NANS: variants seen among roughly 807,000 people sequenced by gnomAD.
NANS encodes the protein N-acetylneuraminate synthase, also known as N-acetylneuraminate-9-phosphate synthase.
NANS carries 29 observed loss-of-function variants against 33.3 expected under a neutral mutation model. The observed-to-expected ratio is 0.87, with a 90% CI of 0.65 to 1.19. The LOEUF (loss-of-function observed/expected upper bound fraction) is 1.19. Among genes scored for constraint, NANS ranks in the 50% most tolerant of loss-of-function variants. The pLI, the probability that NANS is intolerant of heterozygous loss-of-function variation, is 0.00. For missense variants in NANS, 394 were observed against 461.1 expected, an observed-to-expected ratio of 0.85 and a Z score of 1.33; for synonymous variants, 163 against 177.2, an observed-to-expected ratio of 0.92 and a Z score of 0.64.
At chr9:98,057,629 A>T (rs1828864605) in intron 1 of NANS, among the ~76,000 whole-genome samples, 1 of 152,116 alleles carries the variant, frequency 6.6e-6, no homozygotes, top group Non-Finnish European at 1.5e-5. Flanking sequence ...TGAGCCCAGC[A>T]CTTGGCACAC....
chr9:98,079,955 A>C (rs998323646), intron 4 of NANS, among the ~76,000 whole-genome samples: 14 of 152,204 alleles, frequency 9.2e-5, no homozygotes, highest in African/African-American at 3.1e-4. Flanking sequence ...GGCTCATGCC[A>C]GTAGTCCCAG....
intron 1 of NANS, among the ~76,000 whole-genome samples, chr9:98,059,777 T>G (rs1250594385): frequency 6.6e-6 from 1 of 152,126 alleles, no homozygotes; most frequent in Non-Finnish European, 1.5e-5. Context: ...TATTATTGCC[T>G]CTGCTCAGTA....
At chr9:98,062,418 C>G (rs1193509679) in intron 2 of NANS, among the ~76,000 whole-genome samples, 1 of 152,014 alleles carries the variant, frequency 6.6e-6, no homozygotes, top group Non-Finnish European at 1.5e-5. Context: ...GCTCTGTGAC[C>G]TGCCTCCTTA....
At chr9:98,078,399 C>A (rs368451097) in intron 4 of NANS, 52 bp downstream of exon 4, 1 of 1,567,036 alleles carries the variant, frequency 6.4e-7, no homozygotes, top group African/African-American at 1.4e-5. Context: ...ATGGGGAAGG[C>A]GTAGTCTTTT....
intron 2 of NANS, among the ~76,000 whole-genome samples, chr9:98,066,735 C>T (rs1294608869): frequency 1.3e-5 from 2 of 151,824 alleles, no homozygotes; most frequent in East Asian, 3.9e-4. Flanking sequence ...ACTGCAACCT[C>T]CACCTCTCAG....
chr9:98,078,957 A>G (rs774026261), intron 4 of NANS, among the ~76,000 whole-genome samples: 1 of 151,908 alleles, frequency 6.6e-6, no homozygotes, highest in Non-Finnish European at 1.5e-5. Context: ...CTTTTTTCAT[A>G]CTGAGTTATA....
At chr9:98,077,986 C>CG (rs1479011936) in intron 3 of NANS, 17 of 616,868 alleles carry the variant, frequency 2.8e-5, no homozygotes, top group African/African-American at 5.5e-5. Flanking sequence ...AGAACACTGT[C>CG]GGGGGGCAGA....
At position 98,078,170 on chromosome 9, in the gene NANS, G is replaced by A. The variant is rs753812027; in HGVS notation, c.449-23G>A. ...GAACCTCTAAAGAGAAAGTGCTGAT[G>A]GTGTTGGTGCTGGATTACTCAGGTC... On this transcript the variant is annotated intron_variant, in intron 3 of 5. Coordinates refer to ENST00000210444, the MANE Select transcript of NANS (RefSeq NM_018946.4). 3.1e-6 allele frequency: 5 copies of A among 1,614,122 alleles called. No individual in the cohort carries two copies. The Admixed American group carries it at 5.0e-5, about 16-fold the overall frequency.
chr9:98,078,292 A>G lies in NANS; in HGVS notation c.548A>G (p.Gln183Arg), dbSNP rs747283768. The change falls in exon 4 of 6, where the codon CAG (glutamine) becomes CGG (arginine). Residue 183 changes from glutamine (Q) to arginine (R), a missense_variant. Gln to Arg is a conservative substitution (Grantham distance 43, BLOSUM62 1). Transcript: ENST00000210444. ...CTCAACCCCAACTTCTGCTTCTTGC[A>G]GTGTACCAGCGCATACCCGCTCCAG... ...KPLNPNFCFL[Q>R]CTSAYPLQPE... 1 of 1,613,968 alleles carries G rather than the reference A, an allele frequency of 6.2e-7. No homozygotes were observed. Among genetic ancestry groups the G allele is most frequent in the Non-Finnish European group, 8.5e-7 (1 of 1,180,012 alleles).
intron 1 of NANS, among the ~76,000 whole-genome samples, chr9:98,060,074 G>A (rs1828932531): frequency 1.3e-5 from 2 of 152,232 alleles, no homozygotes; most frequent in South Asian, 2.1e-4. Context: ...AAGAGTTAGG[G>A]TCAAAGTTAA....
intron 2 of NANS, 58 bp from the exon 3 acceptor site, chr9:98,076,860 C>A: frequency 7.2e-7 from 1 of 1,389,886 alleles, no homozygotes; most frequent in Non-Finnish European, 1.0e-6. Context: ...CCTTGCCTGT[C>A]ATAACAACAG....
intron 2 of NANS, among the ~76,000 whole-genome samples, chr9:98,066,726 C>CTG (rs1829159746): frequency 6.6e-6 from 1 of 151,828 alleles, no homozygotes; most frequent in Non-Finnish European, 1.5e-5. Flanking sequence ...TCTTGGCTCA[C>CTG]TGCAACCTCC....
chr9:98,063,130 G>T (rs373097314), intron 2 of NANS, among the ~76,000 whole-genome samples: 2 of 151,804 alleles, frequency 1.3e-5, no homozygotes, highest in African/African-American at 4.8e-5. Context: ...GTTTCACCAT[G>T]TTAGCCAGGC....
In NANS at chr9:98,076,475, A is replaced by G. The variant is rs1587923372; in HGVS notation, c.349-443A>G. The G allele has an allele frequency of 4.2e-5, 7 of 166,694 alleles. No homozygotes were observed. The South Asian group carries it at 8.9e-4, about 21-fold the overall frequency. 10.3% of individuals were successfully genotyped at this position (166,694 alleles called of 1,614,324 possible). ...CTGCAACCTCCGCCTCCCAGGTTCA[A>G]GTGATTCTCCTGCCTCAGCCTTCTG... On this transcript the variant is annotated intron_variant, in intron 2 of 5. Transcript: ENST00000210444.
At position 98,083,058 on chromosome 9, in the gene NANS, A is replaced by G; in HGVS notation, c.*3A>G. Reference sequence around the variant, plus strand: ...ATGGCAAAAAAATCAAGTCTTAAAAATAAAGTGCCATTCTCTGAATTCTCA... The same window carrying G: ...ATGGCAAAAAAATCAAGTCTTAAAAGTAAAGTGCCATTCTCTGAATTCTCA... On this transcript the variant is annotated 3_prime_UTR_variant, in exon 6 of 6. Coordinates refer to ENST00000210444, the MANE Select transcript of NANS (RefSeq NM_018946.4). The G allele has an allele frequency of 6.2e-7, 1 of 1,613,500 alleles. No individual in the cohort carries two copies. Among genetic ancestry groups the G allele is most frequent in the East Asian group, 2.2e-5 (1 of 44,878 alleles).
intron 5 of NANS, 54 bp from the exon 6 acceptor site, chr9:98,082,792 G>A (rs1829939378): frequency 1.9e-6 from 3 of 1,544,168 alleles, no homozygotes; most frequent in African/African-American, 2.7e-5. Flanking sequence ...AAGTAAAGTA[G>A]TGTGCACTAG....
chr9:98,062,422 C>G (rs962164379), intron 2 of NANS, among the ~76,000 whole-genome samples: 2 of 152,040 alleles, frequency 1.3e-5, no homozygotes, highest in Non-Finnish European at 2.9e-5. Context: ...TGTGACCTGC[C>G]TCCTTAAAAT....
intron 4 of NANS, among the ~76,000 whole-genome samples, chr9:98,079,468 T>C (rs1245495444): frequency 1.1e-5 from 1 of 87,864 alleles, no homozygotes; most frequent in African/African-American, 1.3e-4. Context: ...TATACAGCCA[T>C]TAACTTAAAA....
intron 5 of NANS, 78 bp from the exon 6 acceptor site, chr9:98,082,768 G>A: frequency 7.2e-7 from 1 of 1,392,352 alleles, no homozygotes; most frequent in East Asian, 2.5e-5. Flanking sequence ...GACTGATCAG[G>A]GACCTTGAGT....
Sources: gnomAD v4.1 joint callset for allele counts (sites outside exome capture counted in the v4.1 genomes callset) on GRCh38, gnomAD v4.1.1 for gene constraint, MANE v1.5 for transcripts, NCBI Gene and HGNC (gene_info 2026-07-23, HGNC 2026-07-21) for gene names.